MIPEP: variants seen among roughly 807,000 people sequenced by gnomAD.
The protein encoded by MIPEP is mitochondrial intermediate peptidase.
In MIPEP, 79 loss-of-function variants were observed where a neutral mutation model predicts 90.3. The observed-to-expected ratio is 0.87, with a 90% CI of 0.73 to 1.05. MIPEP has a LOEUF of 1.05. Among genes scored for constraint, MIPEP ranks in the 50% least tolerant of loss-of-function variants. The probability of loss-of-function intolerance (pLI) is 0.00; values close to 1 mark genes in which losing one functional copy is unlikely to be tolerated. For synonymous variants in MIPEP, 334 were observed against 315.8 expected, an observed-to-expected ratio of 1.06 and a Z score of -0.61; for missense variants, 940 against 905.6, an observed-to-expected ratio of 1.04 and a Z score of -0.49.
chr13:23,872,219 T>TG (rs1365070719), intron 5 of MIPEP, among the ~76,000 whole-genome samples: 1 of 152,200 alleles, frequency 6.6e-6, no homozygotes, highest in African/African-American at 2.4e-5. Context: ...CCCAGAACTT[T>TG]GGGAGGCTGA....
chr13:23,841,320 G>A lies in MIPEP; in HGVS notation c.1260+15C>T. The A allele has an allele frequency of 6.2e-7, 1 of 1,601,482 alleles. No homozygotes were observed. The highest frequency in any genetic ancestry group is 8.5e-7 in the Non-Finnish European group (1 of 1,175,872). On this transcript the variant is annotated intron_variant, in intron 11 of 18. Coordinates refer to ENST00000382172, the MANE Select transcript of MIPEP (RefSeq NM_005932.4). ...GTAAATGCCTGCAACTGCAGGCTGA[G>A]CAGGAGGAGCTCACCAGTTTTCGGA...
intron 18 of MIPEP, among the ~76,000 whole-genome samples, chr13:23,754,579 T>A (rs1000588530): frequency 1.3e-5 from 2 of 152,194 alleles, no homozygotes; most frequent in African/African-American, 4.8e-5. Flanking sequence ...TTTTGAGAGT[T>A]AGTTGCAACA....
intron 18 of MIPEP, among the ~76,000 whole-genome samples, chr13:23,750,247 T>C (rs1018303242): frequency 6.6e-6 from 1 of 152,160 alleles, no homozygotes; most frequent in Non-Finnish European, 1.5e-5. Flanking sequence ...TGACAGAATA[T>C]TGTTAGCTCC....
intron 18 of MIPEP, among the ~76,000 whole-genome samples, chr13:23,743,673 GTTTAT>G (rs1021384633): frequency 6.6e-6 from 1 of 152,218 alleles, no homozygotes; most frequent in Non-Finnish European, 1.5e-5. Context: ...TTACACATTA[GTTTAT>G]TTTAATTTCA....
At chr13:23,860,367 A>C (rs894400437) in intron 9 of MIPEP, among the ~76,000 whole-genome samples, 3 of 152,238 alleles carry the variant, frequency 2.0e-5, no homozygotes, top group African/African-American at 7.2e-5. Context: ...CGGCACGTAA[A>C]TATTAATTCA....
At chr13:23,780,729 C>T (rs777891046) in intron 16 of MIPEP, among the ~76,000 whole-genome samples, 16 of 152,126 alleles carry the variant, frequency 1.1e-4, no homozygotes, top group Non-Finnish European at 1.6e-4. Context: ...GAATGGCTAA[C>T]TAGAATAACC....
chr13:23,868,188 A>G (rs1870623375), intron 7 of MIPEP, among the ~76,000 whole-genome samples: 1 of 152,142 alleles, frequency 6.6e-6, no homozygotes, highest in Non-Finnish European at 1.5e-5. Context: ...AACCAGCTTC[A>G]TGAAAGAGGT....
intron 18 of MIPEP, among the ~76,000 whole-genome samples, chr13:23,745,898 C>G (rs1003125425): frequency 1.7e-4 from 26 of 151,790 alleles, no homozygotes; most frequent in Admixed American, 1.7e-3. Flanking sequence ...CCACTGAGCT[C>G]CAGCCTGGAT....
intron 14 of MIPEP, among the ~76,000 whole-genome samples, chr13:23,812,263 G>A (rs900905905): frequency 6.6e-6 from 1 of 152,108 alleles, no homozygotes; most frequent in Admixed American, 6.5e-5. Flanking sequence ...GATGGATGTA[G>A]GAGTGAGATT....
At chr13:23,805,875 G>T in intron 16 of MIPEP, 75 bp downstream of exon 16, 2 of 1,501,982 alleles carry the variant, frequency 1.3e-6, no homozygotes, top group South Asian at 2.5e-5. Context: ...CTCCAAAGGG[G>T]AAGATAATCA....
chr13:23,836,627 T>A (rs1457541674), intron 13 of MIPEP, among the ~76,000 whole-genome samples: 1 of 152,234 alleles, frequency 6.6e-6, no homozygotes, highest in African/African-American at 2.4e-5. Context: ...AACAAACCTG[T>A]CTTCAGCTAT....
At chr13:23,751,130 G>T (rs1376235784) in intron 18 of MIPEP, among the ~76,000 whole-genome samples, 1 of 152,214 alleles carries the variant, frequency 6.6e-6, no homozygotes. Context: ...GAAACTAGTA[G>T]ATAGATATCT....
At chr13:23,739,908 G>T (rs1275435675) in intron 18 of MIPEP, among the ~76,000 whole-genome samples, 1 of 152,258 alleles carries the variant, frequency 6.6e-6, no homozygotes, top group Non-Finnish European at 1.5e-5. Context: ...AACTTCATGA[G>T]TTGGGGAGAA....
At chr13:23,888,725 T>C (rs1871640379) in intron 1 of MIPEP, 13 of 1,009,458 alleles carry the variant, frequency 1.3e-5, no homozygotes, top group Non-Finnish European at 1.4e-5. Context: ...GACCATGTGA[T>C]GCCGCCTGTG....
chr13:23,780,769 G>A (rs1952773000), intron 16 of MIPEP, among the ~76,000 whole-genome samples: 2 of 152,172 alleles, frequency 1.3e-5, no homozygotes, highest in African/African-American at 4.8e-5. Context: ...ATGACCTGAT[G>A]GAGTTGAAAA....
chr13:23,868,312 G>A (rs921302635), intron 7 of MIPEP, among the ~76,000 whole-genome samples: 1 of 152,164 alleles, frequency 6.6e-6, no homozygotes, highest in African/African-American at 2.4e-5. Flanking sequence ...GCCGCAATGA[G>A]CGTGACACGC....
At chr13:23,781,328 C>T (rs1236710912) in intron 16 of MIPEP, among the ~76,000 whole-genome samples, 2 of 152,222 alleles carry the variant, frequency 1.3e-5, no homozygotes, top group Non-Finnish European at 2.9e-5. Context: ...GAATTTTCAA[C>T]CCAGAATTTC....
At chr13:23,786,157 G>A (rs1044063094) in intron 16 of MIPEP, among the ~76,000 whole-genome samples, 1 of 151,746 alleles carries the variant, frequency 6.6e-6, no homozygotes, top group Non-Finnish European at 1.5e-5. Context: ...AGCCCGGGAT[G>A]TCAAGGCTGC....
At chr13:23,789,439 A>G (rs2137374140) in intron 16 of MIPEP, among the ~76,000 whole-genome samples, 1 of 152,310 alleles carries the variant, frequency 6.6e-6, no homozygotes, top group African/African-American at 2.4e-5. Context: ...AAAATAGAGT[A>G]ACAGAAAGAG....
Sources: allele counts gnomAD v4.1 joint callset (sites outside exome capture counted in the v4.1 genomes callset), GRCh38; gene constraint gnomAD v4.1.1; transcripts MANE v1.5; gene names NCBI Gene and HGNC (gene_info 2026-07-23, HGNC 2026-07-21).